The following SLC44A3 variants were observed in gnomAD, a reference collection of about 807,000 sequenced individuals.
The protein encoded by SLC44A3 is solute carrier family 44 member 3, also known as choline transporter-like protein 3.
A neutral mutation model predicts 75.4 loss-of-function variants in SLC44A3; 74 were observed. The ratio of observed to expected loss-of-function variants is 0.98; its 90% CI spans 0.81 to 1.19. The LOEUF (loss-of-function observed/expected upper bound fraction) is 1.19. SLC44A3 is among the 50% of genes most tolerant of loss of function. The pLI, the probability that SLC44A3 is intolerant of heterozygous loss-of-function variation, is 0.00. For missense variants in SLC44A3, 700 were observed against 778.6 expected (o/e 0.90, Z 1.20); for synonymous variants, 310 against 296.9 (o/e 1.04, Z -0.45).
chr1:94,835,155 G>A (rs1662614377), intron 5 of SLC44A3, among the ~76,000 whole-genome samples: 1 of 152,172 alleles, frequency 6.6e-6, no homozygotes, highest in Non-Finnish European at 1.5e-5. Flanking sequence ...GAAAAACTAA[G>A]AAACTTGTCA....
At chr1:94,820,778 C>G in intron 1 of SLC44A3, 171 bp from the exon 2 acceptor site, 3 of 1,394,252 alleles carry the variant, frequency 2.2e-6, no homozygotes, top group Non-Finnish European at 2.8e-6. Context: ...GCAGGTGTTT[C>G]AAAGGCTGTG....
At chr1:94,867,455 G>A (rs768728884) in intron 12 of SLC44A3, 38 bp downstream of exon 12, 1 of 1,518,120 alleles carries the variant, frequency 6.6e-7, no homozygotes, top group South Asian at 1.3e-5. Flanking sequence ...CACACAGAAG[G>A]GTCCAAAGGT....
chr1:94,858,673 G>GTGTTTGTTTGTT lies in SLC44A3; in HGVS notation c.1238+1195_1238+1206dup, dbSNP rs59998353. On this transcript the variant is annotated intron_variant, in intron 10 of 14. Transcript: ENST00000271227. Reference sequence around the variant, plus strand: ...TCCTGATGATAAGGAGCACTGTCGGGTGTTTGTTTGTTTGTTTGTTTGTTT... The same window carrying GTGTTTGTTTGTT: ...TCCTGATGATAAGGAGCACTGTCGGGTGTTTGTTTGTTTGTTTGTTTGTTTGTTTGTTTGTTT... 6.6e-3 allele frequency among the ~76,000 whole-genome samples: 982 copies of GTGTTTGTTTGTT among 149,900 alleles called. 9 individuals are homozygous for GTGTTTGTTTGTT. The highest frequency in any genetic ancestry group is 0.021 in the African/African-American group (850 of 40,656).
At chr1:94,865,288 G>T (rs898207690) in intron 11 of SLC44A3, among the ~76,000 whole-genome samples, 2 of 152,078 alleles carry the variant, frequency 1.3e-5, no homozygotes, top group African/African-American at 4.8e-5. Context: ...CATAAGATAG[G>T]AATAATATTT....
intron 2 of SLC44A3, among the ~76,000 whole-genome samples, chr1:94,822,520 G>A (rs1359676811): frequency 6.8e-6 from 1 of 147,814 alleles, no homozygotes; most frequent in Non-Finnish European, 1.5e-5. Flanking sequence ...CTGTTGTTCA[G>A]CTTTCAGGTC....
intron 9 of SLC44A3, among the ~76,000 whole-genome samples, chr1:94,848,281 A>G (rs1247302589): frequency 2.0e-5 from 3 of 151,168 alleles, no homozygotes; most frequent in Admixed American, 6.6e-5. Flanking sequence ...AAGCTGTATC[A>G]GGGACCACAG....
At chr1:94,868,949 G>T (rs2101490301) in intron 12 of SLC44A3, among the ~76,000 whole-genome samples, 1 of 152,376 alleles carries the variant, frequency 6.6e-6, no homozygotes, top group East Asian at 1.9e-4. Flanking sequence ...GGAGGGCAGA[G>T]AAATGGCTGA....
intron 9 of SLC44A3, chr1:94,855,470 G>C (rs859104): frequency 0.38 from 58,430 of 151,922 alleles, 12,627 homozygotes; most frequent in East Asian, 0.64. Context: ...CATTCTGTTT[G>C]GGAGGGGCCA....
intron 9 of SLC44A3, chr1:94,855,470 G>T (rs859104): frequency 6.6e-6 from 1 of 152,018 alleles, no homozygotes; most frequent in South Asian, 2.1e-4. Context: ...CATTCTGTTT[G>T]GGAGGGGCCA....
chr1:94,845,168 T>A, intron 8 of SLC44A3, 110 bp from the exon 9 acceptor site: 1 of 1,156,962 alleles, frequency 8.6e-7, no homozygotes, highest in South Asian at 1.6e-5. Flanking sequence ...TGAGTAACTA[T>A]CTTAAAAGAG....
intron 5 of SLC44A3, among the ~76,000 whole-genome samples, chr1:94,832,252 T>C (rs1662228372): frequency 6.6e-6 from 1 of 152,192 alleles, no homozygotes; most frequent in African/African-American, 2.4e-5. Flanking sequence ...TGTATGTTTA[T>C]CAAAGTCTCT....
chr1:94,865,183 G>A (rs1571351589), intron 11 of SLC44A3, among the ~76,000 whole-genome samples: 1 of 152,216 alleles, frequency 6.6e-6, no homozygotes, highest in African/African-American at 2.4e-5. Context: ...TCCTTCTTAT[G>A]TAAATGCCAA....
chr1:94,870,683 TTTG>T (rs771193785), intron 12 of SLC44A3, among the ~76,000 whole-genome samples: 1 of 152,002 alleles, frequency 6.6e-6, no homozygotes, highest in African/African-American at 2.4e-5. Context: ...TGTTTTCGTT[TTTG>T]TTTTCTTTTG....
chr1:94,872,187 C>T (rs1002577431), intron 12 of SLC44A3, among the ~76,000 whole-genome samples: 3 of 152,066 alleles, frequency 2.0e-5, no homozygotes, highest in Non-Finnish European at 2.9e-5. Context: ...CTACACCCTC[C>T]GCCTCCCAGG....
intron 9 of SLC44A3, among the ~76,000 whole-genome samples, chr1:94,847,413 T>C (rs547580418): frequency 1.3e-5 from 2 of 152,278 alleles, no homozygotes; most frequent in African/African-American, 2.4e-5. Flanking sequence ...AGGTGGCGCT[T>C]CCACCCACAC....
At chr1:94,871,779 A>G (rs1188458023) in intron 12 of SLC44A3, among the ~76,000 whole-genome samples, 1 of 152,178 alleles carries the variant, frequency 6.6e-6, no homozygotes, top group African/African-American at 2.4e-5. Context: ...TTTGCATACA[A>G]CAAGGAGCTG....
chr1:94,828,458 A>G (rs1310813325), intron 4 of SLC44A3, 35 bp from the exon 5 acceptor site: 2 of 1,571,206 alleles, frequency 1.3e-6, no homozygotes, highest in Non-Finnish European at 1.7e-6. Flanking sequence ...ACTCACCTGG[A>G]AAGAAGGTAT....
chr1:94,839,061 A>T (rs1441634633), intron 6 of SLC44A3: 1 of 152,244 alleles, frequency 6.6e-6, no homozygotes, highest in Admixed American at 6.5e-5. Context: ...GAGGTGGCAG[A>T]ACTAAGACTC....
At position 94,887,996 on chromosome 1, in the gene SLC44A3, TA is replaced by T. The variant is rs546866331; in HGVS notation, c.1483-3132del. On this transcript the variant is annotated intron_variant, in intron 12 of 14. Transcript: ENST00000271227. Reference sequence around the variant, plus strand: ...ATCTTTGGTGATGTCTGGATGATAATAACCACTCTTTATTACACATTTTCTC... The same window carrying T: ...ATCTTTGGTGATGTCTGGATGATAATACCACTCTTTATTACACATTTTCTC... Among the ~76,000 whole-genome samples, 14 of 152,332 alleles carry T rather than the reference TA, an allele frequency of 9.2e-5. No individual in the cohort carries two copies. In the East Asian group the frequency reaches 2.5e-3, roughly 27 times the overall value.
Sources: gnomAD v4.1 joint callset for allele counts (sites outside exome capture counted in the v4.1 genomes callset) on GRCh38, gnomAD v4.1.1 for gene constraint, MANE v1.5 for transcripts, NCBI Gene and HGNC (gene_info 2026-07-23, HGNC 2026-07-21) for gene names.